Variants in HDC observed in about 807,000 individuals in gnomAD.
The protein encoded by HDC is histidine decarboxylase.
HDC carries 27 observed loss-of-function variants against 64.4 expected under a neutral mutation model. That is an observed-to-expected ratio of 0.42 (90% CI 0.31 to 0.58). The LOEUF (loss-of-function observed/expected upper bound fraction) is 0.58. Ranked by LOEUF, HDC falls within the 20% of genes least tolerant of loss-of-function variation. The probability of loss-of-function intolerance (pLI) is 0.16; values close to 1 mark genes in which losing one functional copy is unlikely to be tolerated. For synonymous variants in HDC, 305 were observed against 314.2 expected (o/e 0.97, Z 0.31); for missense variants, 711 against 833.9 (o/e 0.85, Z 1.81).
In HDC at chr15:50,258,500, G is replaced by A; in HGVS notation, c.222C>T (p.Ser74=). The stretch of plus-strand genomic sequence containing the variant: ...CTGGGTAGTAGGCGTGCATATGGGG[G>A]CTCTGCCAATGTACCACCTGGAGGC... ...IIMPGVVHWQ[S]PHMHAYYPAL... Residue 74 remains serine, a synonymous_variant, in exon 3 of 12, where the codon AGC becomes AGT. Coordinates refer to ENST00000267845, the MANE Select transcript of HDC (RefSeq NM_002112.4). The A allele has an allele frequency of 6.2e-7, 1 of 1,611,682 alleles. No homozygotes were observed. Among genetic ancestry groups the A allele is most frequent in the Non-Finnish European group, 8.5e-7 (1 of 1,177,904 alleles).
rs1174994984 is a variant in HDC, at chr15:50,242,845, T to G, written c.1404A>C (p.Arg468=). ...DDILRDWNLI[R]DAATLILSQH... The stretch of plus-strand genomic sequence containing the variant: ...GACTCAGGATGAGAGTGGCAGCATC[T>G]CGAATGAGATTCCAGTCTCTCAGGA... Residue 468 remains arginine, a synonymous_variant, in exon 12 of 12, where the codon CGA becomes CGC. Transcript: ENST00000267845. 1 of 1,613,932 alleles carries G rather than the reference T, an allele frequency of 6.2e-7. No individual in the cohort carries two copies. The highest frequency in any genetic ancestry group is 2.2e-5 in the East Asian group (1 of 44,876).
rs1410506324 is a variant in HDC, at chr15:50,257,544, A to C, written c.322T>G (p.Ser108Ala). ...TCCAGCTCTGTACACGCAGGGCTGG[A>C]TGCCTGAGAAAGGAAAAGGAACTTC... is the stretch of plus-strand genomic sequence containing the variant. ...AINCLGFTWA[S>A]SPACTELEMN... Residue 108 changes from serine to alanine, a missense_variant, in exon 4 of 12, where the codon TCC becomes GCC. Ser to Ala is a moderately conservative substitution (Grantham distance 99, BLOSUM62 1). Coordinates refer to ENST00000267845, the MANE Select transcript of HDC (RefSeq NM_002112.4). 6 of 1,614,154 alleles carry C rather than the reference A, an allele frequency of 3.7e-6. No individual in the cohort carries two copies. Among genetic ancestry groups the C allele is most frequent in the Non-Finnish European group, 5.1e-6 (6 of 1,180,020 alleles).
chr15:50,257,339 A>G, intron 4 of HDC, 86 bp downstream of exon 4: 1 of 1,552,022 alleles, frequency 6.4e-7, no homozygotes, highest in Non-Finnish European at 8.9e-7. Flanking sequence ...AACTCCATGG[A>G]GAACGGGAGA....
chr15:50,242,731 A>C lies in HDC; in HGVS notation c.1518T>G (p.Leu506=). 6.2e-7 allele frequency: 1 copy of C among 1,613,972 alleles called. No homozygotes were observed. The highest frequency in any genetic ancestry group is 8.5e-7 in the Non-Finnish European group (1 of 1,179,998). The change falls in exon 12 of 12, where the codon CTT becomes CTG. Residue 506 remains leucine (L), a synonymous_variant. Transcript: ENST00000267845. ...GARAWACGTS[L]QSVSGAGDDP... The stretch of plus-strand genomic sequence containing the variant: ...CATCTCCTGCCCCACTGACAGACTG[A>C]AGGGACGTTCCACAGGCCCAGGCTC...
chr15:50,254,285 A>G lies in HDC; in HGVS notation c.577-12T>C, dbSNP rs1303898113. 1.9e-6 allele frequency: 3 copies of G among 1,614,046 alleles called. No individual in the cohort carries two copies. Among genetic ancestry groups the G allele is most frequent in the Non-Finnish European group, 2.5e-6 (3 of 1,180,008 alleles). ...ACAGAGGAGTGAGCCTAGAAGGGCC[A>G]CAGAAACCTGTCAGCAAAGAGTCAT... On this transcript the variant is annotated splice_polypyrimidine_tract_variant and intron_variant, in intron 5 of 11. Transcript: ENST00000267845.
At position 50,248,458 on chromosome 15, in the gene HDC, C is replaced by T; in HGVS notation, c.1042-115G>A. 4.0e-6 allele frequency: 3 copies of T among 748,584 alleles called. 1 individual carries two copies. The South Asian group carries it at 4.4e-5, about 11-fold the overall frequency. The allele number at this position is 748,584 out of a possible 1,614,324, so 46.4% of individuals were successfully genotyped here. A position where few individuals can be genotyped will look rare whatever the true frequency, so the allele number is the denominator to read the frequency against. ...GCCCTCCAGGGATGGACGATGTCAC[C>T]ATGACTCTGGGAGCTGTTGCTAAGG... On this transcript the variant is annotated intron_variant, in intron 9 of 11. Transcript: ENST00000267845. The surrounding 1 kb of genome is among the most constrained non-coding windows in gnomAD (Gnocchi z 4.3).
chr15:50,258,531 A>G lies in HDC; in HGVS notation c.205-14T>C, dbSNP rs765656212. 8 of 1,527,576 alleles carry G rather than the reference A, an allele frequency of 5.2e-6. No individual in the cohort carries two copies. In the South Asian group the frequency reaches 9.0e-5, roughly 17 times the overall value. 94.6% of individuals were successfully genotyped at this position (1,527,576 alleles called of 1,614,324 possible). On this transcript the variant is annotated splice_polypyrimidine_tract_variant and intron_variant, in intron 2 of 11. Coordinates refer to ENST00000267845, the MANE Select transcript of HDC (RefSeq NM_002112.4). ...CCAATGTACCACCTGGAGGCAGAGC[A>G]TGCACAGAGTTGGCACCAGGAGGCA...
intron 9 of HDC, among the ~76,000 whole-genome samples, chr15:50,249,235 A>G (rs2045521913): frequency 6.6e-6 from 1 of 152,130 alleles, no homozygotes; most frequent in Admixed American, 6.5e-5. Flanking sequence ...TTCCAAATCA[A>G]TTTCAGACTG....
intron 10 of HDC, among the ~76,000 whole-genome samples, chr15:50,247,174 G>A (rs1294526949): frequency 1.3e-5 from 2 of 151,982 alleles, no homozygotes; most frequent in Non-Finnish European, 2.9e-5. Flanking sequence ...AATGTTAGGC[G>A]GCACAATAAG....
chr15:50,250,307 C>T (rs777949553), intron 9 of HDC, among the ~76,000 whole-genome samples: 16 of 152,144 alleles, frequency 1.1e-4, no homozygotes, highest in Non-Finnish European at 1.8e-4. Flanking sequence ...CCCTCAGGAT[C>T]ATGAAAAAGA....
intron 4 of HDC, among the ~76,000 whole-genome samples, chr15:50,256,848 T>C (rs573763894): frequency 1.3e-5 from 2 of 152,314 alleles, no homozygotes; most frequent in South Asian, 4.1e-4. Flanking sequence ...CAAGCCCTCA[T>C]GAACGTCAAG....
chr15:50,254,227 A>G lies in HDC; in HGVS notation c.623T>C (p.Met208Thr). ...EKAGLISLVKMKFLPVDDNFS... is the reference protein window; with the variant it reads ...EKAGLISLVKTKFLPVDDNFS... ...GTTGTCATCCACAGGCAGAAATTTCATCTTCACAAGGGAAATCAAACCAGC... is the reference window on the plus strand; with the variant it reads ...GTTGTCATCCACAGGCAGAAATTTCGTCTTCACAAGGGAAATCAAACCAGC... Residue 208 changes from methionine (M) to threonine (T), a missense_variant, in exon 6 of 12, where the codon ATG becomes ACG. Physicochemically the swap from Met to Thr is moderately conservative, Grantham distance 81. This residue lies in a region of HDC where 225 missense variants were observed against 276.2 expected (regional missense o/e 0.81). Coordinates refer to ENST00000267845, the MANE Select transcript of HDC (RefSeq NM_002112.4). 4 of 1,614,198 alleles carry G rather than the reference A, an allele frequency of 2.5e-6. No homozygotes were observed. The highest frequency in any genetic ancestry group is 1.6e-4 in the Middle Eastern group (1 of 6,062).
chr15:50,256,199 G>A (rs984205779), intron 4 of HDC, among the ~76,000 whole-genome samples: 4 of 152,206 alleles, frequency 2.6e-5, no homozygotes, highest in Non-Finnish European at 5.9e-5. Flanking sequence ...CATTTAGCAT[G>A]TTCTCCCAAA....
intron 10 of HDC, among the ~76,000 whole-genome samples, chr15:50,246,031 T>A (rs535486114): frequency 6.6e-6 from 1 of 152,206 alleles, no homozygotes; most frequent in African/African-American, 2.4e-5. Context: ...ATATGAAATT[T>A]AATTTTATAT....
In HDC at chr15:50,263,579, A is replaced by G. The variant is rs115892305; in HGVS notation, c.32-172T>C. 1.9e-4 allele frequency: 131 copies of G among 673,484 alleles called. 1 individual carries two copies. The African/African-American group carries it at 2.2e-3, about 11-fold the overall frequency. The allele number at this position is 673,484 out of a possible 1,614,324, so 41.7% of individuals were successfully genotyped here. On this transcript the variant is annotated intron_variant, in intron 1 of 11. Transcript: ENST00000267845. ...CACTTTGGGAGGCTGAGGCAGGCGG[A>G]TCACGAGGTCAGGAGATCAAGACCA...
At chr15:50,261,001 A>G (rs748722090) in intron 2 of HDC, among the ~76,000 whole-genome samples, 2 of 152,218 alleles carry the variant, frequency 1.3e-5, no homozygotes, top group Non-Finnish European at 2.9e-5. Flanking sequence ...CAAAGGGCCA[A>G]CTGCTTTCAG....
chr15:50,251,366 G>A (rs1567449338), intron 9 of HDC, among the ~76,000 whole-genome samples: 1 of 152,122 alleles, frequency 6.6e-6, no homozygotes, highest in Admixed American at 6.5e-5. Context: ...TGATCCACAC[G>A]TGTTCCCATT....
rs2045510975 is a variant in HDC at position 50,248,364 on chromosome 15, T to C, written c.1042-21A>G. The C allele has an allele frequency of 5.1e-6, 8 of 1,575,224 alleles. No individual in the cohort carries two copies. The highest frequency in any genetic ancestry group is 1.7e-5 in the Admixed American group (1 of 59,898). On this transcript the variant is annotated intron_variant, in intron 9 of 11. Transcript: ENST00000267845. This position sits in a 1 kb window ranked among gnomAD's most constrained non-coding sequence, Gnocchi z 4.3. ...CAGTGCTAGAAACAAAGGAACACAG[T>C]GCCCAAGGTTAGAGACAAGGGTGCC... is the stretch of plus-strand genomic sequence containing the variant.
chr15:50,254,790 G>GTTTGTGTAT, intron 4 of HDC, 126 bp from the exon 5 acceptor site: 1 of 933,166 alleles, frequency 1.1e-6, no homozygotes, highest in East Asian at 2.6e-5. Flanking sequence ...GTGTGTATGT[G>GTTTGTGTAT]TTTGTGTATG....
Sources: allele counts gnomAD v4.1 joint callset (sites outside exome capture counted in the v4.1 genomes callset), GRCh38; gene constraint gnomAD v4.1.1; regional missense constraint gnomAD v4.1.1; non-coding constraint Gnocchi (gnomAD v3.1); transcripts MANE v1.5; gene names NCBI Gene and HGNC (gene_info 2026-07-23, HGNC 2026-07-21).